OR13C3: variants seen among roughly 807,000 people sequenced by gnomAD.
OR13C3 encodes the protein olfactory receptor 13C3.
Under a neutral mutation model 14.4 loss-of-function variants are expected in OR13C3, and 19 were observed. That is an observed-to-expected ratio of 1.31 (90% CI 0.92 to 1.93). The LOEUF (loss-of-function observed/expected upper bound fraction) is 1.93. OR13C3 is among the 30% of genes most tolerant of loss of function. The probability of loss-of-function intolerance (pLI) is 0.00; values close to 1 mark genes in which losing one functional copy is unlikely to be tolerated. For missense variants in OR13C3, 394 were observed against 381.4 expected (o/e 1.03, Z -0.27); for synonymous variants, 140 against 142.5 (o/e 0.98, Z 0.12).
chr9:104,536,145 G>A (rs759229979), exon 1 of OR13C3: 6 of 1,613,708 alleles, frequency 3.7e-6, no homozygotes, highest in Non-Finnish European at 5.1e-6. Context: ...TAATATTGAG[G>A]GATATATCAG....
exon 1 of OR13C3, chr9:104,536,553 T>C (rs1828820313): frequency 6.2e-7 from 1 of 1,613,958 alleles, no homozygotes; most frequent in Non-Finnish European, 8.5e-7. Flanking sequence ...AGTACATTGG[T>C]GTGTGAAAAT....
exon 1 of OR13C3, chr9:104,536,704 G>T (rs772424124): frequency 6.2e-7 from 1 of 1,613,880 alleles, no homozygotes; most frequent in South Asian, 1.1e-5. Context: ...TGACACAAGT[G>T]TCTGGTTAAT....
chr9:104,535,819 T>A (rs1339161834), exon 1 of OR13C3: 1 of 1,613,284 alleles, frequency 6.2e-7, no homozygotes, highest in Non-Finnish European at 8.5e-7. Flanking sequence ...AGCTTTTACA[T>A]CCTTATTTCT....
At chr9:104,536,541 G>T in exon 1 of OR13C3, 1 of 1,614,154 alleles carries the variant, frequency 6.2e-7, no homozygotes, top group South Asian at 1.1e-5. Context: ...TGCCCAGGAA[G>T]AAGTACATTG....
chr9:104,536,136 A>G (rs1828813727), exon 1 of OR13C3: 2 of 1,613,748 alleles, frequency 1.2e-6, no homozygotes, highest in Non-Finnish European at 1.7e-6. Context: ...CCATGGTGAT[A>G]ATATTGAGGG....
chr9:104,536,060 G>T, exon 1 of OR13C3: 1 of 1,614,050 alleles, frequency 6.2e-7, no homozygotes, highest in Non-Finnish European at 8.5e-7. Context: ...ATGGTGTAGA[G>T]GATGAACATA....
chr9:104,536,527 A>C, exon 1 of OR13C3: 1 of 1,614,128 alleles, frequency 6.2e-7, no homozygotes, highest in Non-Finnish European at 8.5e-7. Context: ...CAGGAAAGAG[A>C]GGTTGCCCAG....
At chr9:104,536,638 G>C (rs764729640) in exon 1 of OR13C3, 2 of 1,614,018 alleles carry the variant, frequency 1.2e-6, no homozygotes, top group East Asian at 4.5e-5. Context: ...TAGAATGAGA[G>C]CAAAGTAAAC....
At chr9:104,536,266 C>G (rs1277047864) in exon 1 of OR13C3, 5 of 1,613,930 alleles carry the variant, frequency 3.1e-6, no homozygotes, top group Non-Finnish European at 4.2e-6. Flanking sequence ...TGAATTTATT[C>G]CACCGGACAG....
At chr9:104,536,023 C>T (rs1828811760) in exon 1 of OR13C3, 2 of 1,614,024 alleles carry the variant, frequency 1.2e-6, no homozygotes, top group East Asian at 2.2e-5. Context: ...TGCCTTGCGT[C>T]TTCCTGTGGC....
exon 1 of OR13C3, chr9:104,535,780 G>A: frequency 6.2e-7 from 1 of 1,602,896 alleles, no homozygotes; most frequent in Non-Finnish European, 8.5e-7. Flanking sequence ...TTAGTGAATT[G>A]GTTTTTTGTT....
exon 1 of OR13C3, chr9:104,536,289 A>C (rs1171929947): frequency 6.2e-7 from 1 of 1,614,042 alleles, no homozygotes; most frequent in African/African-American, 1.3e-5. Flanking sequence ...AGGACACAGA[A>C]GCCATCAATA....
chr9:104,536,699 C>T (rs746025067), exon 1 of OR13C3: 4 of 1,613,862 alleles, frequency 2.5e-6, no homozygotes, highest in African/African-American at 2.7e-5. Context: ...AATTCTGACA[C>T]AAGTGTCTGG....
At chr9:104,536,057 A>G (rs1165075219) in exon 1 of OR13C3, 2 of 1,614,050 alleles carry the variant, frequency 1.2e-6, no homozygotes, top group African/African-American at 2.7e-5. Flanking sequence ...AAGATGGTGT[A>G]GAGGATGAAC....
At position 104,536,749 on chromosome 9, in the gene OR13C3, G is replaced by C. The variant is rs749905862; in HGVS notation, c.-26C>G. On this transcript the variant is annotated 5_prime_UTR_variant, in exon 1 of 1. Transcript: ENST00000641090. ...GTCATCTGCTTTCAGGAAATCAAAAGAAGATCTAACATGAAATGTATTTAC... is the reference window on the plus strand; with the variant it reads ...GTCATCTGCTTTCAGGAAATCAAAACAAGATCTAACATGAAATGTATTTAC... 5 of 1,613,706 alleles carry C rather than the reference G, an allele frequency of 3.1e-6. No individual in the cohort carries two copies. In the Admixed American group the frequency reaches 6.7e-5, roughly 22 times the overall value.
chr9:104,536,529 G>A lies in OR13C3; in HGVS notation c.195C>T (p.Asn65=), dbSNP rs766971520. 1.4e-5 allele frequency: 23 copies of A among 1,614,164 alleles called. No individual in the cohort carries two copies. The Admixed American group carries it at 3.5e-4, about 25-fold the overall frequency. ...TATAGCAGATATCCAGGAAAGAGAGGTTGCCCAGGAAGAAGTACATTGGTG... is the reference window on the plus strand; with the variant it reads ...TATAGCAGATATCCAGGAAAGAGAGATTGCCCAGGAAGAAGTACATTGGTG... The change falls in exon 1 of 1, where the codon AAC becomes AAT. Residue 65 remains asparagine, a synonymous_variant. Transcript: ENST00000641090.
chr9:104,536,105 G>A (rs770281840), exon 1 of OR13C3: 4 of 1,613,892 alleles, frequency 2.5e-6, no homozygotes, highest in South Asian at 2.2e-5. Flanking sequence ...GGAAGAACCA[G>A]GAAGGCCATA....
exon 1 of OR13C3, chr9:104,536,016 C>T (rs780388302): frequency 3.2e-5 from 51 of 1,613,904 alleles, no homozygotes; most frequent in Middle Eastern, 1.6e-4. Flanking sequence ...TGGAAAATGC[C>T]TTGCGTCTTC....
At chr9:104,535,803 T>C (rs1343669115) in exon 1 of OR13C3, 10 of 1,612,760 alleles carry the variant, frequency 6.2e-6, no homozygotes, top group African/African-American at 1.3e-5. Context: ...GCAAATATTT[T>C]ACAGCAGCTT....
Sources: gnomAD v4.1 joint callset for allele counts on GRCh38, gnomAD v4.1.1 for gene constraint, MANE v1.5 for transcripts, NCBI Gene and HGNC (gene_info 2026-07-23, HGNC 2026-07-21) for gene names.